The following GPR158 variants were observed in gnomAD, a reference collection of about 807,000 sequenced individuals.
The protein encoded by GPR158 is G protein-coupled receptor 158, also known as metabotropic glycine receptor.
A neutral mutation model predicts 78.2 loss-of-function variants in GPR158; 30 were observed. The ratio of observed to expected loss-of-function variants is 0.38; its 90% CI spans 0.29 to 0.52. The LOEUF is 0.52. Among genes scored for constraint, GPR158 ranks in the 20% least tolerant of loss-of-function variants. The probability of loss-of-function intolerance (pLI) is 0.83; values close to 1 mark genes in which losing one functional copy is unlikely to be tolerated. For missense variants in GPR158, 1,463 were observed against 1,523.5 expected (o/e 0.96, Z 0.66); for synonymous variants, 581 against 591.1 (o/e 0.98, Z 0.25).
intron 4 of GPR158, among the ~76,000 whole-genome samples, chr10:25,440,331 T>A (rs1835051898): frequency 6.6e-6 from 1 of 152,180 alleles, no homozygotes; most frequent in South Asian, 2.1e-4. Flanking sequence ...ACACTGTTGA[T>A]CATGCCTTGA....
At chr10:25,584,194 C>T (rs1050091107) in intron 7 of GPR158, among the ~76,000 whole-genome samples, 1 of 152,038 alleles carries the variant, frequency 6.6e-6, no homozygotes, top group African/African-American at 2.4e-5. Flanking sequence ...TATTTAACAC[C>T]AGAAATTATT....
At chr10:25,219,702 TAAATGATTTATTC>T (rs1445443185) in intron 1 of GPR158, among the ~76,000 whole-genome samples, 1 of 152,072 alleles carries the variant, frequency 6.6e-6, no homozygotes, top group East Asian at 1.9e-4. Flanking sequence ...ACTGAAAAAA[TAAATGATTTATTC>T]ACCCCAAAGG....
chr10:25,415,388 T>G (rs1217527760), intron 4 of GPR158, among the ~76,000 whole-genome samples: 5 of 151,846 alleles, frequency 3.3e-5, no homozygotes, highest in Non-Finnish European at 7.4e-5. Flanking sequence ...AAAGAAAATA[T>G]ATATATATAA....
At chr10:25,282,064 C>G (rs916300403) in intron 2 of GPR158, among the ~76,000 whole-genome samples, 2 of 152,136 alleles carry the variant, frequency 1.3e-5, no homozygotes, top group African/African-American at 4.8e-5. Flanking sequence ...TATCCATCAT[C>G]ATAATCAAGC....
chr10:25,508,415 G>T (rs1353785148), intron 5 of GPR158, among the ~76,000 whole-genome samples: 1 of 152,138 alleles, frequency 6.6e-6, no homozygotes, highest in Non-Finnish European at 1.5e-5. Flanking sequence ...ATATGCAGTA[G>T]GCAAACCTAT....
At chr10:25,373,730 G>A (rs1268727714) in intron 2 of GPR158, among the ~76,000 whole-genome samples, 2 of 151,764 alleles carry the variant, frequency 1.3e-5, no homozygotes, top group South Asian at 2.1e-4. Context: ...AAGTATACTA[G>A]GATTCTTTAG....
chr10:25,599,058 ATCT>A lies in GPR158; in HGVS notation c.3439_3441del (p.Ser1147del), dbSNP rs770367161. The A allele has an allele frequency of 3.9e-5, 63 of 1,613,826 alleles. 1 individual carries two copies. Among genetic ancestry groups the A allele is most frequent in the South Asian group, 2.6e-4 (24 of 91,084 alleles). On this transcript the variant is annotated inframe_deletion, in exon 11 of 11. Transcript: ENST00000376351. ...AAATAGGACACCAGGAAAAAAAGAC[ATCT>A]TCTTCTGAGGAGAATGTGCGTGGCT...
intron 4 of GPR158, among the ~76,000 whole-genome samples, chr10:25,434,987 C>T (rs1834980237): frequency 6.6e-6 from 1 of 152,148 alleles, no homozygotes; most frequent in African/African-American, 2.4e-5. Context: ...AATTTAAATA[C>T]TTCAATATGA....
intron 2 of GPR158, among the ~76,000 whole-genome samples, chr10:25,236,791 C>T (rs1288715774): frequency 6.6e-6 from 1 of 152,122 alleles, no homozygotes; most frequent in African/African-American, 2.4e-5. Context: ...CATGTTTCTA[C>T]TGTAACACCT....
At chr10:25,267,975 C>T (rs1000506893) in intron 2 of GPR158, among the ~76,000 whole-genome samples, 11 of 151,984 alleles carry the variant, frequency 7.2e-5, no homozygotes, top group Non-Finnish European at 1.5e-4. Context: ...CACATATCGT[C>T]CACTATAAAT....
At chr10:25,229,034 CAAAAAA>C (rs767651286) in intron 2 of GPR158, among the ~76,000 whole-genome samples, 1 of 88,754 alleles carries the variant, frequency 1.1e-5, no homozygotes, top group African/African-American at 3.6e-5. Flanking sequence ...GACTCAATGT[CAAAAAA>C]AAAAAAAAAA....
At chr10:25,335,249 C>A (rs1340773848) in intron 2 of GPR158, among the ~76,000 whole-genome samples, 1 of 152,000 alleles carries the variant, frequency 6.6e-6, no homozygotes, top group South Asian at 2.1e-4. Flanking sequence ...TTACTAATGG[C>A]TTAAATTTTG....
chr10:25,473,066 A>G lies in GPR158; in HGVS notation c.1404+6347A>G, dbSNP rs1257339679. Among the ~76,000 whole-genome samples, 4 of 152,140 alleles carry G rather than the reference A, an allele frequency of 2.6e-5. No homozygotes were observed. In the South Asian group the frequency reaches 6.2e-4, roughly 24 times the overall value. On this transcript the variant is annotated intron_variant, in intron 5 of 10. Transcript: ENST00000376351. ...AAGGGAATGCTTCCAGTTTTTGCCC[A>G]TTCAGTATGACATTGGCTGTGGGTT...
At chr10:25,443,356 A>AC (rs1475402637) in intron 4 of GPR158, among the ~76,000 whole-genome samples, 2 of 151,934 alleles carry the variant, frequency 1.3e-5, no homozygotes, top group Non-Finnish European at 2.9e-5. Context: ...GGATTTCAAG[A>AC]CCAGCCTGGC....
chr10:25,444,115 C>T (rs1208040852), intron 4 of GPR158, among the ~76,000 whole-genome samples: 1 of 152,132 alleles, frequency 6.6e-6, no homozygotes, highest in Non-Finnish European at 1.5e-5. Context: ...CAGATATCCC[C>T]TGGGGGGAAA....
intron 4 of GPR158, among the ~76,000 whole-genome samples, chr10:25,440,229 A>G (rs1170972048): frequency 1.3e-5 from 2 of 152,204 alleles, no homozygotes; most frequent in African/African-American, 4.8e-5. Flanking sequence ...AATGGAATGA[A>G]TAGTGGCTCA....
At chr10:25,424,878 G>A (rs1328394929) in intron 4 of GPR158, among the ~76,000 whole-genome samples, 1 of 152,096 alleles carries the variant, frequency 6.6e-6, no homozygotes, top group Non-Finnish European at 1.5e-5. Flanking sequence ...CTCTTTTTTG[G>A]TTCCACATGA....
chr10:25,270,241 C>T (rs538609488), intron 2 of GPR158, among the ~76,000 whole-genome samples: 1 of 152,190 alleles, frequency 6.6e-6, no homozygotes, highest in Non-Finnish European at 1.5e-5. Flanking sequence ...CCATATGAGC[C>T]TTTCAAGAAA....
chr10:25,570,532 A>C (rs758283764), intron 6 of GPR158, among the ~76,000 whole-genome samples: 2 of 152,168 alleles, frequency 1.3e-5, no homozygotes, highest in African/African-American at 2.4e-5. Context: ...ACCACTCTCT[A>C]TTTTAAAATT....
Sources: gnomAD v4.1 joint callset for allele counts (sites outside exome capture counted in the v4.1 genomes callset) on GRCh38, gnomAD v4.1.1 for gene constraint, MANE v1.5 for transcripts, NCBI Gene and HGNC (gene_info 2026-07-23, HGNC 2026-07-21) for gene names.